Variants in MIPOL1 observed in about 807,000 individuals in gnomAD.
The protein encoded by MIPOL1 is mirror-image polydactyly 1.
MIPOL1 carries 57 observed loss-of-function variants against 60.9 expected under a neutral mutation model. The ratio of observed to expected loss-of-function variants is 0.94; its 90% confidence interval spans 0.76 to 1.17. The LOEUF (loss-of-function observed/expected upper bound fraction) is 1.17, where lower values mean the gene tolerates loss of function less well. Among genes scored for constraint, MIPOL1 ranks in the 50% most tolerant of loss-of-function variants. The probability of loss-of-function intolerance (pLI) is 0.00; values close to 1 mark genes in which losing one functional copy is unlikely to be tolerated. For synonymous variants in MIPOL1, 179 were observed against 168.8 expected (o/e 1.06, Z -0.47); for missense variants, 551 against 511.6 (o/e 1.08, Z -0.74).
intron 10 of MIPOL1, among the ~76,000 whole-genome samples, chr14:37,380,399 A>G (rs189278767): frequency 1.1e-4 from 16 of 152,260 alleles, no homozygotes; most frequent in Admixed American, 9.8e-4. Flanking sequence ...AACAGCATTC[A>G]TTGTGTGCTG....
rs1566683969 is a variant in MIPOL1 at position 37,481,603 on chromosome 14, ACACACACAC to A, written c.1032-18303_1032-18295del. Among the ~76,000 whole-genome samples, 163 of 149,912 alleles carry A rather than the reference ACACACACAC, an allele frequency of 1.1e-3. 2 individuals are homozygous for A. The highest frequency in any genetic ancestry group is 3.6e-3 in the African/African-American group (147 of 40,612). ...CACACACACACACACACACACACAC[ACACACACAC>A]CGAAACCACATAGCCAAGGGAATCA... On this transcript the variant is annotated intron_variant, in intron 11 of 12. Coordinates refer to ENST00000684589, the MANE Select transcript of MIPOL1 (RefSeq NM_001388067.1).
intron 9 of MIPOL1, among the ~76,000 whole-genome samples, chr14:37,365,764 A>G (rs892994651): frequency 2.0e-5 from 3 of 152,102 alleles, no homozygotes; most frequent in African/African-American, 7.2e-5. Context: ...GTTTTCCAGA[A>G]TAGTTTGAGT....
At chr14:37,316,321 A>G (rs1343939867) in intron 9 of MIPOL1, among the ~76,000 whole-genome samples, 2 of 152,016 alleles carry the variant, frequency 1.3e-5, no homozygotes, top group African/African-American at 4.8e-5. Context: ...GTGAGCCACC[A>G]TGCCCAGCCA....
At chr14:37,201,056 A>T (rs1965255858) in intron 1 of MIPOL1, among the ~76,000 whole-genome samples, 1 of 151,498 alleles carries the variant, frequency 6.6e-6, no homozygotes. Flanking sequence ...GCACACACCA[A>T]CATGCCCAGG....
chr14:37,385,826 G>T (rs949966480), intron 10 of MIPOL1: 12 of 151,940 alleles, frequency 7.9e-5, no homozygotes, highest in African/African-American at 2.7e-4. Context: ...AAAGAAGTTT[G>T]TGAAAAATAA....
At chr14:37,235,949 C>T (rs1192168310) in intron 1 of MIPOL1, among the ~76,000 whole-genome samples, 8 of 149,150 alleles carry the variant, frequency 5.4e-5, no homozygotes, top group Non-Finnish European at 7.4e-5. Flanking sequence ...TTTTTTGAGA[C>T]GAACTCTTGC....
At chr14:37,482,506 A>G (rs2094886843) in intron 11 of MIPOL1, among the ~76,000 whole-genome samples, 1 of 152,184 alleles carries the variant, frequency 6.6e-6, no homozygotes, top group Non-Finnish European at 1.5e-5. Flanking sequence ...GGGGGGCCTC[A>G]GGAAATTTGC....
intron 11 of MIPOL1, among the ~76,000 whole-genome samples, chr14:37,427,877 G>A: frequency 6.6e-6 from 1 of 152,046 alleles, no homozygotes; most frequent in East Asian, 1.9e-4. Flanking sequence ...ATGTTATAGA[G>A]GAAATGAAAA....
chr14:37,417,429 T>C lies in MIPOL1; in HGVS notation c.937-5426T>C, dbSNP rs116864008. 3.6e-3 allele frequency among the ~76,000 whole-genome samples: 553 copies of C among 152,274 alleles called. 3 individuals are homozygous for C. The highest frequency in any genetic ancestry group is 6.5e-3 in the Non-Finnish European group (440 of 68,018). ...AGAGAGACATGACATCAGGACAAAA[T>C]AGAACAACCTCTAAGGAATCAGCTG... is the stretch of plus-strand genomic sequence containing the variant. On this transcript the variant is annotated intron_variant, in intron 10 of 12. Coordinates refer to ENST00000684589, the MANE Select transcript of MIPOL1 (RefSeq NM_001388067.1).
At position 37,375,941 on chromosome 14, in the gene MIPOL1, T is replaced by C. The variant is rs766612032; in HGVS notation, c.936+6317T>C. ...TTTGTTTGCTCTTCCTTACTTAGTC[T>C]TAATTGGTGGTGCTTATTTTTCCAT... On this transcript the variant is annotated intron_variant, in intron 10 of 12. Transcript: ENST00000684589. Among the ~76,000 whole-genome samples the C allele has an allele frequency of 4.0e-4, 61 of 152,298 alleles. No homozygotes were observed. The Middle Eastern group carries it at 0.01, about 25-fold the overall frequency.
chr14:37,442,861 T>C (rs2094272442), intron 11 of MIPOL1, among the ~76,000 whole-genome samples: 1 of 152,100 alleles, frequency 6.6e-6, no homozygotes, highest in African/African-American at 2.4e-5. Flanking sequence ...GAAAAACATC[T>C]GTGTTCATGG....
At position 37,308,493 on chromosome 14, in the gene MIPOL1, G is replaced by A; in HGVS notation, c.802G>A (p.Glu268Lys). 6.3e-7 allele frequency: 1 copy of A among 1,590,314 alleles called. No individual in the cohort carries two copies. The highest frequency in any genetic ancestry group is 8.5e-7 in the Non-Finnish European group (1 of 1,171,102). ...TGCAGAAGAAATGAGTGCACTAATA[G>A]AAGAACGGGATGCTGCCTTGTCTAA... ...ITAEEMSALI[E>K]ERDAALSKCK... Residue 268 changes from glutamate (E) to lysine (K), a missense_variant, in exon 9 of 13, where the codon GAA becomes AAA. By Grantham distance (56) the Glu-to-Lys change is moderately conservative (BLOSUM62 1). Coordinates refer to ENST00000684589, the MANE Select transcript of MIPOL1 (RefSeq NM_001388067.1).
chr14:37,245,555 G>A (rs1004569245), intron 1 of MIPOL1, among the ~76,000 whole-genome samples: 12 of 152,052 alleles, frequency 7.9e-5, no homozygotes, highest in Admixed American at 5.9e-4. Flanking sequence ...GTTTGTGCTG[G>A]TTATGACTTA....
At chr14:37,441,039 T>G (rs2094236472) in intron 11 of MIPOL1, among the ~76,000 whole-genome samples, 1 of 152,224 alleles carries the variant, frequency 6.6e-6, no homozygotes, top group South Asian at 2.1e-4. Flanking sequence ...TTCATATACC[T>G]ATTGGCTATT....
chr14:37,381,599 T>C (rs77354484), intron 10 of MIPOL1, among the ~76,000 whole-genome samples: 1 of 151,988 alleles, frequency 6.6e-6, no homozygotes, highest in African/African-American at 2.4e-5. Flanking sequence ...TTTTTTTTTT[T>C]CAAGACAGGG....
chr14:37,298,886 G>T (rs1015051084), intron 7 of MIPOL1, among the ~76,000 whole-genome samples: 2 of 148,878 alleles, frequency 1.3e-5, no homozygotes, highest in Non-Finnish European at 3.0e-5. Flanking sequence ...GGAAGACAGT[G>T]TGGCGATTCC....
At chr14:37,227,583 A>C in intron 1 of MIPOL1, 1 of 152,180 alleles carries the variant, frequency 6.6e-6, no homozygotes, top group East Asian at 1.9e-4. Context: ...CACTGTTGAC[A>C]TTTGTTGTTA....
chr14:37,501,756 A>T (rs947202375), intron 12 of MIPOL1: 2 of 152,192 alleles, frequency 1.3e-5, no homozygotes, highest in African/African-American at 4.8e-5. Context: ...TGGACAGTGC[A>T]TGCAGCCCAC....
At chr14:37,249,294 G>A (rs1973707635) in intron 3 of MIPOL1, among the ~76,000 whole-genome samples, 1 of 152,072 alleles carries the variant, frequency 6.6e-6, no homozygotes, top group Non-Finnish European at 1.5e-5. Flanking sequence ...CAGGGCTCCT[G>A]TTCAGCATAG....
Sources: gnomAD v4.1 joint callset for allele counts (sites outside exome capture counted in the v4.1 genomes callset) on GRCh38, gnomAD v4.1.1 for gene constraint, MANE v1.5 for transcripts, NCBI Gene and HGNC (gene_info 2026-07-23, HGNC 2026-07-21) for gene names.